The following CARMIL3 variants were observed in gnomAD, a reference collection of about 807,000 sequenced individuals.
The protein encoded by CARMIL3 is capping protein regulator and myosin 1 linker 3.
A neutral mutation model predicts 180.8 loss-of-function variants in CARMIL3; 88 were observed. The observed-to-expected ratio is 0.49, with a 90% CI of 0.41 to 0.58. The LOEUF is 0.58. Among genes scored for constraint, CARMIL3 ranks in the 20% least tolerant of loss-of-function variants. The probability of loss-of-function intolerance (pLI) is 0.00; values close to 1 mark genes in which losing one functional copy is unlikely to be tolerated. For synonymous variants in CARMIL3, 696 were observed against 714.5 expected, an observed-to-expected ratio of 0.97 and a Z score of 0.41; for missense variants, 1,548 against 1,787.0, an observed-to-expected ratio of 0.87 and a Z score of 2.41.
Position 24,058,187 on chromosome 14 carries a change from A to G in CARMIL3, c.1355A>G (p.His452Arg). ...CTTCAGGGCCTCTCCCTCAACAGTC[A>G]CCTCAGTGACCTGCACCTGGATCTC... ...ALLQGLSLNS[H>R]LSDLHLDLSS... Residue 452 changes from histidine to arginine, a missense_variant, in exon 17 of 40, where the codon CAC becomes CGC. Coordinates refer to ENST00000342740, the MANE Select transcript of CARMIL3 (RefSeq NM_138360.4). The surrounding 1 kb of genome is among the most constrained non-coding windows in gnomAD (Gnocchi z 6.4). The G allele has an allele frequency of 6.2e-7, 1 of 1,613,486 alleles. No individual in the cohort carries two copies.
At chr14:24,060,281 G>A (rs753789341) in intron 24 of CARMIL3, 26 bp downstream of exon 24, 2 of 1,610,068 alleles carry the variant, frequency 1.2e-6, no homozygotes, top group Admixed American at 3.3e-5. Flanking sequence ...TGGGACACGG[G>A]GCATACCCGG....
intron 28 of CARMIL3, 39 bp downstream of exon 28, chr14:24,062,606 C>T (rs2035743179): frequency 1.9e-6 from 3 of 1,613,278 alleles, no homozygotes; most frequent in African/African-American, 1.3e-5. Context: ...CTCGGGCACG[C>T]CCTCCACCCC....
At chr14:24,057,767 C>A in intron 14 of CARMIL3, 36 bp from the exon 15 acceptor site, 1 of 1,586,218 alleles carries the variant, frequency 6.3e-7, no homozygotes, top group African/African-American at 1.4e-5. Context: ...TACCCCCTTC[C>A]AGCTCCCCTG....
intron 28 of CARMIL3, 53 bp downstream of exon 28, chr14:24,062,620 T>C (rs1594552306): frequency 1.2e-6 from 2 of 1,613,346 alleles, no homozygotes; most frequent in East Asian, 4.5e-5. Context: ...CCACCCCACA[T>C]TATCCTGTCT....
rs200345639 is a variant in CARMIL3 at position 24,060,066 on chromosome 14, G to A, written c.1962+3G>A. On this transcript the variant is annotated splice_donor_region_variant and intron_variant, in intron 23 of 39. Coordinates refer to ENST00000342740, the MANE Select transcript of CARMIL3 (RefSeq NM_138360.4). ...GCACCGAGGACGTCTGGCAGAAGGT[G>A]CAGGGTGCTGTCCTAAGCAGGGTGG... 3 of 1,613,886 alleles carry A rather than the reference G, an allele frequency of 1.9e-6. No homozygotes were observed. Among genetic ancestry groups the A allele is most frequent in the Admixed American group, 1.7e-5 (1 of 60,032 alleles).
At chr14:24,060,524 C>A in intron 24 of CARMIL3, 104 bp from the exon 25 acceptor site, 2 of 1,507,684 alleles carry the variant, frequency 1.3e-6, no homozygotes, top group Non-Finnish European at 1.8e-6. Context: ...GAGACATCAC[C>A]TCCACCACTG....
At chr14:24,068,993 C>A (rs755439271) in intron 38 of CARMIL3, 27 bp downstream of exon 38, 12 of 1,538,922 alleles carry the variant, frequency 7.8e-6, no homozygotes, top group Non-Finnish European at 1.1e-5. Context: ...GAGTGGGGGG[C>A]TCAGGGCACC....
At chr14:24,057,118 G>C in intron 13 of CARMIL3, 49 bp from the exon 14 acceptor site, 1 of 1,601,966 alleles carries the variant, frequency 6.2e-7, no homozygotes, top group Non-Finnish European at 8.5e-7. Context: ...TGGGGGTGGC[G>C]AGACTCCATC....
At position 24,054,256 on chromosome 14, in the gene CARMIL3, C is replaced by T. The variant is rs759756430; in HGVS notation, c.201C>T (p.Phe67=). The T allele has an allele frequency of 5.6e-6, 9 of 1,614,052 alleles. No homozygotes were observed. Among genetic ancestry groups the T allele is most frequent in the South Asian group, 2.2e-5 (2 of 91,094 alleles). ...ATCCCTCCTAGGTGGAGAGCTCCTT[C>T]AATGTCCTGGAGATCCGTGCCTTCA... is the stretch of plus-strand genomic sequence containing the variant. ...LKVPAKVESS[F]NVLEIRAFNT... The change falls in exon 4 of 40, where the codon TTC becomes TTT. Residue 67 remains phenylalanine, a synonymous_variant. Coordinates refer to ENST00000342740, the MANE Select transcript of CARMIL3 (RefSeq NM_138360.4). This position sits in a 1 kb window ranked among gnomAD's most constrained non-coding sequence, Gnocchi z 5.1.
At chr14:24,063,300 C>A (rs1282735160) in intron 30 of CARMIL3, 25 bp from the exon 31 acceptor site, 1 of 1,588,566 alleles carries the variant, frequency 6.3e-7, no homozygotes, top group South Asian at 1.1e-5. Flanking sequence ...CTCTGCTAGT[C>A]CCTCTAATGC....
rs772714812 is a variant in CARMIL3 at position 24,069,123 on chromosome 14, G to A, written c.3983-14G>A. The A allele has an allele frequency of 6.2e-7, 1 of 1,613,738 alleles. No individual in the cohort carries two copies. Among genetic ancestry groups the A allele is most frequent in the East Asian group, 2.2e-5 (1 of 44,882 alleles). On this transcript the variant is annotated splice_polypyrimidine_tract_variant and intron_variant, in intron 38 of 39. Coordinates refer to ENST00000342740, the MANE Select transcript of CARMIL3 (RefSeq NM_138360.4). ...CCCACTCCTGTGTTAGGCCTGCCTT[G>A]ATTGTTATTTCAGGGCCCCCTGATC...
Position 24,055,584 on chromosome 14 carries a change from G to C in CARMIL3, c.647G>C (p.Trp216Ser). ...GTAGCAGCCCTGGCCTACAACCAGT[G>C]GTTCACCAAACTCTACTGCAAGGAC... ...LMVAALAYNQ[W>S]FTKLYCKDLR... The change falls in exon 9 of 40, where the codon TGG (tryptophan) becomes TCG (serine). Residue 216 changes from tryptophan to serine, a missense_variant. This residue lies in a region of CARMIL3 where 578 missense variants were observed against 666.5 expected (regional missense o/e 0.87). Transcript: ENST00000342740. 6.2e-7 allele frequency: 1 copy of C among 1,614,170 alleles called. No homozygotes were observed. Among genetic ancestry groups the C allele is most frequent in the South Asian group, 1.1e-5 (1 of 91,076 alleles).
chr14:24,067,970 G>A (rs2035805218), intron 36 of CARMIL3, among the ~76,000 whole-genome samples: 1 of 152,264 alleles, frequency 6.6e-6, no homozygotes, highest in Admixed American at 6.5e-5. Context: ...GACCCAGCAG[G>A]CCCTGGGCCC....
At chr14:24,060,895 G>A (rs770624190) in intron 25 of CARMIL3, 32 bp from the exon 26 acceptor site, 2 of 1,547,998 alleles carry the variant, frequency 1.3e-6, no homozygotes, top group Non-Finnish European at 8.7e-7. Context: ...TCCTGGTTCT[G>A]GCCTGCTAAT....
intron 1 of CARMIL3, among the ~76,000 whole-genome samples, chr14:24,052,987 G>GCA (rs375017948): frequency 6.6e-6 from 1 of 152,038 alleles, no homozygotes; most frequent in East Asian, 1.9e-4. Context: ...TCCCACACCT[G>GCA]CACACACACA....
At position 24,068,903 on chromosome 14, in the gene CARMIL3, G is replaced by A. The variant is rs1476558493; in HGVS notation, c.3919G>A (p.Gly1307Arg). The change falls in exon 38 of 40, where the codon GGA becomes AGA. Residue 1307 changes from glycine (G) to arginine (R), a missense_variant. Coordinates refer to ENST00000342740, the MANE Select transcript of CARMIL3 (RefSeq NM_138360.4). ...GGCTGAGGCTGGAGATGCAGCTCCA[G>A]GAGTCAACAAACCCCGGCTGAGGCT... is the stretch of plus-strand genomic sequence containing the variant. ...EEAEAGDAAPGVNKPRLRLSS... is the reference protein window; with the variant it reads ...EEAEAGDAAPRVNKPRLRLSS... 2.5e-6 allele frequency: 4 copies of A among 1,602,040 alleles called. No individual in the cohort carries two copies. The Admixed American group carries it at 5.1e-5, about 21-fold the overall frequency.
At chr14:24,068,509 G>A in intron 36 of CARMIL3, 75 bp from the exon 37 acceptor site, 1 of 1,354,894 alleles carries the variant, frequency 7.4e-7, no homozygotes, top group Non-Finnish European at 1.0e-6. Context: ...CAGGGCTTCA[G>A]TGGAGAGAGG....
chr14:24,066,603 G>A lies in CARMIL3; in HGVS notation c.3629G>A (p.Ser1210Asn). The change falls in exon 36 of 40, where the codon AGC (serine) becomes AAC (asparagine). Residue 1210 changes from serine (S) to asparagine (N), a missense_variant. Around this residue, in one of 4 missense-constraint regions of CARMIL3, gnomAD observed 668 missense variants for 687.8 expected, o/e 0.97. Transcript: ENST00000342740. ...TGGAAGCCCCCACCACCGCCCCAAAGCACCAAACCAAGCTTCAGCGCCATG... is the reference window on the plus strand; with the variant it reads ...TGGAAGCCCCCACCACCGCCCCAAAACACCAAACCAAGCTTCAGCGCCATG... ...GSWKPPPPPQSTKPSFSAMRR... is the reference protein window; with the variant it reads ...GSWKPPPPPQNTKPSFSAMRR... The A allele has an allele frequency of 6.2e-7, 1 of 1,614,134 alleles. No homozygotes were observed. The highest frequency in any genetic ancestry group is 8.5e-7 in the Non-Finnish European group (1 of 1,179,998).
In CARMIL3 at chr14:24,069,249, T is replaced by G. The variant is rs781060688; in HGVS notation, c.4093+2T>G. On this transcript the variant is annotated splice_donor_variant, in intron 39 of 39. Coordinates refer to ENST00000342740, the MANE Select transcript of CARMIL3 (RefSeq NM_138360.4). LOFTEE classifies it high-confidence loss of function. ...GAAGACGGCCTCCTGACCCCACAGG[T>G]GCTGGTGGTGAGAGGGCAGGTCCCC... is the stretch of plus-strand genomic sequence containing the variant. 18 of 1,613,758 alleles carry G rather than the reference T, an allele frequency of 1.1e-5. No individual in the cohort carries two copies. Among genetic ancestry groups the G allele is most frequent in the Non-Finnish European group, 1.4e-5 (17 of 1,179,908 alleles).
Sources: gnomAD v4.1 joint callset for allele counts (sites outside exome capture counted in the v4.1 genomes callset) on GRCh38, gnomAD v4.1.1 for gene constraint, gnomAD v4.1.1 regional missense constraint, Gnocchi (gnomAD v3.1) non-coding constraint, MANE v1.5 for transcripts, NCBI Gene and HGNC (gene_info 2026-07-23, HGNC 2026-07-21) for gene names.